Variants in DNAH9 observed in about 807,000 individuals in gnomAD.
The protein encoded by DNAH9 is DNAH9 variant protein.
In DNAH9, 345 loss-of-function variants were observed where a neutral mutation model predicts 471.6. The ratio of observed to expected loss-of-function variants is 0.73; its 90% CI spans 0.67 to 0.80. DNAH9 has a LOEUF of 0.80. Ranked by LOEUF, DNAH9 falls within the 30% of genes least tolerant of loss-of-function variation. DNAH9 has a pLI of 0.00. For synonymous variants in DNAH9, 2,093 were observed against 2,123.6 expected (o/e 0.99, Z 0.40); for missense variants, 5,407 against 5,609.2 (o/e 0.96, Z 1.15).
At chr17:11,852,149 G>A (rs959215359) in intron 49 of DNAH9, among the ~76,000 whole-genome samples, 11 of 152,102 alleles carry the variant, frequency 7.2e-5, no homozygotes, top group Admixed American at 2.6e-4. Context: ...ACTTCCATTC[G>A]GAGCTAGAAA....
chr17:11,949,312 G>A (rs1975268275), intron 67 of DNAH9, among the ~76,000 whole-genome samples: 1 of 152,152 alleles, frequency 6.6e-6, no homozygotes, highest in Admixed American at 6.5e-5. Context: ...CTGAAATGCA[G>A]CATTTTCTTG....
chr17:11,814,790 G>A (rs1597685599), intron 45 of DNAH9, among the ~76,000 whole-genome samples: 1 of 152,102 alleles, frequency 6.6e-6, no homozygotes, highest in East Asian at 1.9e-4. Flanking sequence ...TAGAGCTAGG[G>A]TTGACATGTT....
rs1968994892 is a variant in DNAH9 at position 11,789,599 on chromosome 17, G to A, written c.8062-3904G>A. Among the ~76,000 whole-genome samples, 3 of 151,726 alleles carry A rather than the reference G, an allele frequency of 2.0e-5. No individual in the cohort carries two copies. The South Asian group carries it at 6.2e-4, about 32-fold the overall frequency. Reference sequence around the variant, plus strand: ...TCCTTGCTAGGGAGTTAGCAATTGTGCTAGTCAAAAAACCTGAAGGGTATA... The same window carrying A: ...TCCTTGCTAGGGAGTTAGCAATTGTACTAGTCAAAAAACCTGAAGGGTATA... On this transcript the variant is annotated intron_variant, in intron 41 of 68. Coordinates refer to ENST00000262442, the MANE Select transcript of DNAH9 (RefSeq NM_001372.4).
intron 67 of DNAH9, among the ~76,000 whole-genome samples, chr17:11,951,787 G>T (rs1179820930): frequency 6.6e-6 from 1 of 151,940 alleles, no homozygotes; most frequent in East Asian, 1.9e-4. Flanking sequence ...GCCGGGCTTG[G>T]TGGCAGCTGC....
In DNAH9 at chr17:11,636,956, C is replaced by T. The variant is rs184410301; in HGVS notation, c.1786+172C>T. On this transcript the variant is annotated intron_variant, in intron 9 of 68. Transcript: ENST00000262442. ...CCACCTTGGGTGACTGGGGAGCTCT[C>T]TGAACTACGGCTTTCCCTGTTTCTG... Among the ~76,000 whole-genome samples the T allele has an allele frequency of 6.6e-5, 10 of 152,336 alleles. No homozygotes were observed. The East Asian group carries it at 1.9e-3, about 29-fold the overall frequency.
intron 8 of DNAH9, among the ~76,000 whole-genome samples, chr17:11,635,389 C>G (rs992605835): frequency 2.0e-5 from 3 of 147,332 alleles, no homozygotes; most frequent in Non-Finnish European, 3.0e-5. Flanking sequence ...CCATGTTGGC[C>G]AGGCTGGTCT....
At chr17:11,629,702 A>C (rs547880281) in intron 7 of DNAH9, 118 bp downstream of exon 7, 1 of 877,850 alleles carries the variant, frequency 1.1e-6, no homozygotes, top group African/African-American at 1.7e-5. Context: ...CTGTGGTCCC[A>C]GTGGTTTTGC....
rs184575759 is a variant in DNAH9 at position 11,614,836 on chromosome 17, A to G, written c.905-2575A>G. On this transcript the variant is annotated intron_variant, in intron 4 of 68. Coordinates refer to ENST00000262442, the MANE Select transcript of DNAH9 (RefSeq NM_001372.4). ...TTTGATGAGGGCCTTAATCCCATTCATGAGGGAGAAGCTCTCATGGCCTAG... is the reference window on the plus strand; with the variant it reads ...TTTGATGAGGGCCTTAATCCCATTCGTGAGGGAGAAGCTCTCATGGCCTAG... 9.1e-4 allele frequency among the ~76,000 whole-genome samples: 138 copies of G among 152,338 alleles called. 1 individual carries two copies. Among genetic ancestry groups the G allele is most frequent in the Non-Finnish European group, 9.6e-4 (65 of 68,034 alleles).
intron 34 of DNAH9, 42 bp from the exon 35 acceptor site, chr17:11,757,503 G>A (rs767704882): frequency 3.2e-6 from 5 of 1,544,596 alleles, no homozygotes; most frequent in African/African-American, 2.7e-5. Flanking sequence ...ATATAATGAT[G>A]TATATGGAAT....
At chr17:11,668,924 A>T in intron 15 of DNAH9, 140 bp from the exon 16 acceptor site, 1 of 643,698 alleles carries the variant, frequency 1.6e-6, no homozygotes, top group Non-Finnish European at 2.7e-6. Context: ...GGATGTAAAC[A>T]AAATTTTACA....
chr17:11,644,094 T>G (rs2073332351), intron 10 of DNAH9, among the ~76,000 whole-genome samples: 1 of 152,170 alleles, frequency 6.6e-6, no homozygotes, highest in South Asian at 2.1e-4. Flanking sequence ...ACAGTAGGTT[T>G]GTTTACACCA....
intron 57 of DNAH9, among the ~76,000 whole-genome samples, chr17:11,889,269 AAC>A (rs1972976203): frequency 6.6e-6 from 1 of 152,208 alleles, no homozygotes; most frequent in Non-Finnish European, 1.5e-5. Context: ...AGGCAAAAAT[AAC>A]ACAGCATTGG....
intron 18 of DNAH9, among the ~76,000 whole-genome samples, chr17:11,680,363 A>G (rs1262165008): frequency 1.3e-5 from 2 of 152,242 alleles, no homozygotes; most frequent in Admixed American, 6.5e-5. Context: ...ATGTAGCTTC[A>G]GTAGAAATAT....
At chr17:11,763,371 G>C in intron 35 of DNAH9, 69 bp from the exon 36 acceptor site, 2 of 1,418,256 alleles carry the variant, frequency 1.4e-6, no homozygotes, top group Non-Finnish European at 2.0e-6. Context: ...TGGTTCCATA[G>C]CTGTCCAACA....
intron 38 of DNAH9, among the ~76,000 whole-genome samples, chr17:11,771,450 T>C (rs187798620): frequency 6.6e-6 from 1 of 152,272 alleles, no homozygotes; most frequent in Non-Finnish European, 1.5e-5. Context: ...TTAATAATGG[T>C]CATGTTTAAC....
rs78573288 is a variant in DNAH9 at position 11,837,625 on chromosome 17, C to T, written c.9507+2727C>T. On this transcript the variant is annotated intron_variant, in intron 49 of 68. Coordinates refer to ENST00000262442, the MANE Select transcript of DNAH9 (RefSeq NM_001372.4). ...CCCATAATCCAACACTGTCTTTGTC[C>T]GTTACAGCAATCTGAGTAATCTTTT... Among the ~76,000 whole-genome samples, 337 of 152,288 alleles carry T rather than the reference C, an allele frequency of 2.2e-3. 4 individuals are homozygous for T. The highest frequency in any genetic ancestry group is 0.013 in the Admixed American group (195 of 15,292).
rs373848905 is a variant in DNAH9, at chr17:11,680,816, C to T, written c.3670C>T (p.Arg1224Cys). 21 of 1,613,854 alleles carry T rather than the reference C, an allele frequency of 1.3e-5. No individual in the cohort carries two copies. Among genetic ancestry groups the T allele is most frequent in the East Asian group, 4.5e-5 (2 of 44,858 alleles). ...PLQANEVTLL[R>C]QRCTAFDAEQ... ...GCAGGCAAATGAAGTGACACTCCTC[C>T]GCCAGAGGTGCACAGCCTTCGATGC... Residue 1224 changes from arginine to cysteine, a missense_variant, in exon 19 of 69, where the codon CGC becomes TGC. Transcript: ENST00000262442.
chr17:11,618,185 T>C (rs1042887706), intron 5 of DNAH9, among the ~76,000 whole-genome samples: 2 of 152,226 alleles, frequency 1.3e-5, no homozygotes, highest in Admixed American at 1.3e-4. Context: ...CTGGTACCCA[T>C]AAGCTATTGA....
intron 61 of DNAH9, among the ~76,000 whole-genome samples, chr17:11,908,547 G>A (rs1313893137): frequency 2.0e-5 from 3 of 152,140 alleles, no homozygotes; most frequent in African/African-American, 7.2e-5. Context: ...CCATTTACTC[G>A]GTAGTCAGAG....
Sources: allele counts gnomAD v4.1 joint callset (sites outside exome capture counted in the v4.1 genomes callset), GRCh38; gene constraint gnomAD v4.1.1; transcripts MANE v1.5; gene names NCBI Gene and HGNC (gene_info 2026-07-23, HGNC 2026-07-21).